Variants in HS3ST3A1 observed in about 807,000 individuals in gnomAD.
The protein encoded by HS3ST3A1 is heparan sulfate glucosamine 3-O-sulfotransferase 3A1.
Under a neutral mutation model 25.7 loss-of-function variants are expected in HS3ST3A1, and 19 were observed. The ratio of observed to expected loss-of-function variants is 0.74; its 90% CI spans 0.52 to 1.08. The LOEUF (loss-of-function observed/expected upper bound fraction) is 1.08. HS3ST3A1 is among the 50% of genes least tolerant of loss of function. The pLI, the probability that HS3ST3A1 is intolerant of heterozygous loss-of-function variation, is 0.00. For synonymous variants in HS3ST3A1, 226 were observed against 278.6 expected (o/e 0.81, Z 1.88); for missense variants, 459 against 594.3 (o/e 0.77, Z 2.37).
In HS3ST3A1 at chr17:13,496,534, A is replaced by C. The variant is rs751859844; in HGVS notation, c.884T>G (p.Leu295Arg). Reference sequence around the variant, plus strand: ...GGGGAAGTGGCGCAGCCAGTGCTCCAGGTGCTTGGCGTAGATGCCGATCTG... The same window carrying C: ...GGGGAAGTGGCGCAGCCAGTGCTCCCGGTGCTTGGCGTAGATGCCGATCTG... ...AIQIGIYAKH[L>R]EHWLRHFPIR... The change falls in exon 2 of 2, where the codon CTG (leucine) becomes CGG (arginine). Residue 295 changes from leucine (L) to arginine (R), a missense_variant. By Grantham distance (102) the Leu-to-Arg change is moderately radical. Coordinates refer to ENST00000284110, the MANE Select transcript of HS3ST3A1 (RefSeq NM_006042.3). 10 of 1,515,954 alleles carry C rather than the reference A, an allele frequency of 6.6e-6. No individual in the cohort carries two copies. In the South Asian group the frequency reaches 1.2e-4, roughly 18 times the overall value. The allele number at this position is 1,515,954 out of a possible 1,614,324, so 93.9% of individuals were successfully genotyped here.
intron 1 of HS3ST3A1, among the ~76,000 whole-genome samples, chr17:13,504,407 A>C (rs980632271): frequency 6.6e-6 from 1 of 152,192 alleles, no homozygotes; most frequent in African/African-American, 2.4e-5. Flanking sequence ...GATTTCCTTT[A>C]TAAAAAATGT....
At chr17:13,543,986 A>T (rs530111120) in intron 1 of HS3ST3A1, among the ~76,000 whole-genome samples, 1 of 152,184 alleles carries the variant, frequency 6.6e-6, no homozygotes, top group Admixed American at 6.5e-5. Flanking sequence ...AGTTTCCAAA[A>T]ATCTTTTTAA....
intron 1 of HS3ST3A1, among the ~76,000 whole-genome samples, chr17:13,512,683 C>T (rs1905916857): frequency 6.6e-6 from 1 of 152,096 alleles, no homozygotes; most frequent in Non-Finnish European, 1.5e-5. Context: ...TGCTTTAGAC[C>T]ATTGCTGTCA....
chr17:13,536,862 C>T (rs772104341), intron 1 of HS3ST3A1, among the ~76,000 whole-genome samples: 1 of 152,148 alleles, frequency 6.6e-6, no homozygotes, highest in African/African-American at 2.4e-5. Flanking sequence ...TAACAAGGAT[C>T]CCTACATTTT....
chr17:13,573,073 T>C (rs1308549140), intron 1 of HS3ST3A1, among the ~76,000 whole-genome samples: 1 of 152,124 alleles, frequency 6.6e-6, no homozygotes, highest in Non-Finnish European at 1.5e-5. Flanking sequence ...CACCATGAGA[T>C]TCCTCACCCT....
intron 1 of HS3ST3A1, among the ~76,000 whole-genome samples, chr17:13,590,907 TG>T (rs36009056): frequency 6.6e-6 from 1 of 151,578 alleles, no homozygotes; most frequent in African/African-American, 2.4e-5. Context: ...AGCACTGGAT[TG>T]GGGGGGGATC....
chr17:13,581,001 C>T (rs894001000), intron 1 of HS3ST3A1, among the ~76,000 whole-genome samples: 5 of 152,272 alleles, frequency 3.3e-5, no homozygotes, highest in South Asian at 2.1e-4. Context: ...CTGGGTGCAA[C>T]TTTCGCTTTT....
At chr17:13,594,048 G>C (rs9899009) in intron 1 of HS3ST3A1, among the ~76,000 whole-genome samples, 1 of 152,012 alleles carries the variant, frequency 6.6e-6, no homozygotes, top group Non-Finnish European at 1.5e-5. Context: ...ACTTTTGAAG[G>C]GTACTGGTCA....
chr17:13,573,805 T>C (rs1282215897), intron 1 of HS3ST3A1, among the ~76,000 whole-genome samples: 4 of 152,186 alleles, frequency 2.6e-5, no homozygotes, highest in Non-Finnish European at 5.9e-5. Flanking sequence ...TGGATTTAGA[T>C]GAAGGCATGA....
intron 1 of HS3ST3A1, among the ~76,000 whole-genome samples, chr17:13,582,125 A>G (rs1360725025): frequency 6.6e-6 from 1 of 150,892 alleles, no homozygotes; most frequent in Non-Finnish European, 1.5e-5. Flanking sequence ...TTTTTTTCTG[A>G]TGGATGTTAT....
At chr17:13,544,593 A>G (rs935293420) in intron 1 of HS3ST3A1, among the ~76,000 whole-genome samples, 5 of 152,272 alleles carry the variant, frequency 3.3e-5, no homozygotes, top group Admixed American at 2.0e-4. Flanking sequence ...GCTGCAGAGA[A>G]GTGATGTCAG....
At chr17:13,597,596 C>T (rs1045277126) in intron 1 of HS3ST3A1, among the ~76,000 whole-genome samples, 4 of 151,902 alleles carry the variant, frequency 2.6e-5, no homozygotes, top group South Asian at 2.1e-4. Flanking sequence ...CCACCAGGGT[C>T]GAGTTTCTCA....
chr17:13,571,000 T>C (rs1297873268), intron 1 of HS3ST3A1, among the ~76,000 whole-genome samples: 18 of 152,190 alleles, frequency 1.2e-4, no homozygotes, highest in Admixed American at 1.2e-3. Context: ...GAGAGGCCTG[T>C]TGTTACCAAG....
chr17:13,583,618 A>C (rs78207068), intron 1 of HS3ST3A1, among the ~76,000 whole-genome samples: 19,018 of 152,236 alleles, frequency 0.12, 1,268 homozygotes, highest in African/African-American at 0.14. Context: ...TTTTTATCAA[A>C]CTGGAAAAGA....
At chr17:13,553,568 A>G (rs902477579) in intron 1 of HS3ST3A1, among the ~76,000 whole-genome samples, 3 of 152,208 alleles carry the variant, frequency 2.0e-5, no homozygotes, top group Admixed American at 1.3e-4. Context: ...TAAAAAATCC[A>G]TATCTCAAAT....
intron 1 of HS3ST3A1, among the ~76,000 whole-genome samples, chr17:13,551,144 C>T (rs1195181550): frequency 1.3e-5 from 2 of 149,662 alleles, no homozygotes; most frequent in East Asian, 2.0e-4. Context: ...GTCAGGAGAT[C>T]GAGACCATCC....
intron 1 of HS3ST3A1, among the ~76,000 whole-genome samples, chr17:13,513,055 G>T (rs1978218): frequency 0.63 from 95,086 of 152,076 alleles, 30,338 homozygotes; most frequent in African/African-American, 0.76. Context: ...TTCAGACATA[G>T]GGTATGCGGG....
intron 1 of HS3ST3A1, among the ~76,000 whole-genome samples, chr17:13,568,250 A>T (rs1907723603): frequency 6.6e-6 from 1 of 152,246 alleles, no homozygotes; most frequent in African/African-American, 2.4e-5. Flanking sequence ...TTTTTTAGAC[A>T]TAATTACATA....
chr17:13,542,902 G>GGTTTAATCAATCATGCCTATGTGATGAT (rs1906976474), intron 1 of HS3ST3A1, among the ~76,000 whole-genome samples: 1 of 152,032 alleles, frequency 6.6e-6, no homozygotes, highest in Admixed American at 6.6e-5. Flanking sequence ...AATGGCCAGT[G>GGTTTAATCAATCATGCCTATGTGATGAT]GTTTAATCAA....
Sources: allele counts gnomAD v4.1 joint callset (sites outside exome capture counted in the v4.1 genomes callset), GRCh38; gene constraint gnomAD v4.1.1; transcripts MANE v1.5; gene names NCBI Gene and HGNC (gene_info 2026-07-23, HGNC 2026-07-21).